DCDC2C: variants seen among roughly 807,000 people sequenced by gnomAD.
The protein encoded by DCDC2C is doublecortin domain-containing protein 2C.
In DCDC2C, 44 loss-of-function variants were observed where a neutral mutation model predicts 45.0. The observed-to-expected ratio is 0.98, with a 90% CI of 0.77 to 1.26. The LOEUF is 1.26. Ranked by LOEUF, DCDC2C falls within the 50% of genes most tolerant of loss-of-function variation. DCDC2C has a pLI of 0.00. For missense variants in DCDC2C, 447 were observed against 468.9 expected, an observed-to-expected ratio of 0.95 and a Z score of 0.43; for synonymous variants, 187 against 178.8, an observed-to-expected ratio of 1.05 and a Z score of -0.37.
At chr2:3,738,583 A>G (rs760655145) in intron 3 of DCDC2C, among the ~76,000 whole-genome samples, 1 of 132,602 alleles carries the variant, frequency 7.5e-6, no homozygotes, top group East Asian at 2.4e-4. Context: ...CTCCCAGCTT[A>G]TATCACTAGT....
intron 10 of DCDC2C, among the ~76,000 whole-genome samples, chr2:3,833,339 G>A (rs1671998138): frequency 6.6e-6 from 1 of 152,104 alleles, no homozygotes; most frequent in Non-Finnish European, 1.5e-5. Context: ...ATCATCTTTG[G>A]GGGCCGTTAT....
At chr2:3,826,012 C>G (rs144428400) in intron 10 of DCDC2C, among the ~76,000 whole-genome samples, 13 of 152,150 alleles carry the variant, frequency 8.5e-5, no homozygotes, top group Non-Finnish European at 1.6e-4. Flanking sequence ...AAACAATTCA[C>G]GAGGGTCTTT....
At chr2:3,727,651 G>A (rs1433392356) in intron 3 of DCDC2C, among the ~76,000 whole-genome samples, 1 of 152,250 alleles carries the variant, frequency 6.6e-6, no homozygotes, top group East Asian at 1.9e-4. Flanking sequence ...GGGAGGCACT[G>A]GGGATAGTTG....
At chr2:3,724,358 G>A (rs1668579252) in intron 2 of DCDC2C, among the ~76,000 whole-genome samples, 2 of 152,148 alleles carry the variant, frequency 1.3e-5, no homozygotes, top group Non-Finnish European at 2.9e-5. Flanking sequence ...TGCCAGAGTG[G>A]CCTCTCTGCA....
intron 10 of DCDC2C, among the ~76,000 whole-genome samples, chr2:3,831,699 T>A (rs1330870105): frequency 6.6e-6 from 1 of 152,212 alleles, no homozygotes; most frequent in African/African-American, 2.4e-5. Flanking sequence ...CCTAATTGAA[T>A]TCAGCCATGT....
At position 3,824,421 on chromosome 2, in the gene DCDC2C, C is replaced by T. The variant is rs73910386; in HGVS notation, c.1066-22733C>T. 3.5e-3 allele frequency among the ~76,000 whole-genome samples: 527 copies of T among 152,290 alleles called. 9 individuals carry two copies. Among genetic ancestry groups the T allele is most frequent in the African/African-American group, 0.012 (505 of 41,554 alleles). ...TTGACTGTGTCCCAATAAACCATTA[C>T]GTATGAAAACAGATGGTGGGCTGGA... On this transcript the variant is annotated intron_variant, in intron 10 of 10. Coordinates refer to ENST00000399143, the MANE Select transcript of DCDC2C (RefSeq NM_001287444.2).
chr2:3,719,009 C>T (rs1668421866), intron 2 of DCDC2C, among the ~76,000 whole-genome samples: 2 of 152,192 alleles, frequency 1.3e-5, no homozygotes, highest in South Asian at 2.1e-4. Context: ...CAAGTCCCCA[C>T]TCGACCCAGG....
At chr2:3,713,538 G>A (rs1453599879) in intron 2 of DCDC2C, among the ~76,000 whole-genome samples, 1 of 152,190 alleles carries the variant, frequency 6.6e-6, no homozygotes, top group African/African-American at 2.4e-5. Context: ...AAAGCTCCTG[G>A]AGACCTTGTT....
At chr2:3,815,443 T>C (rs569383361) in intron 10 of DCDC2C, among the ~76,000 whole-genome samples, 15 of 152,242 alleles carry the variant, frequency 9.9e-5, no homozygotes, top group Non-Finnish European at 1.2e-4. Context: ...TTTTCTTCAA[T>C]GGGAGCCTCC....
intron 10 of DCDC2C, among the ~76,000 whole-genome samples, chr2:3,793,550 A>G (rs1670879660): frequency 6.6e-6 from 1 of 152,212 alleles, no homozygotes; most frequent in Admixed American, 6.5e-5. Flanking sequence ...CAGAAACACC[A>G]CTGGAAATTA....
intron 10 of DCDC2C, among the ~76,000 whole-genome samples, chr2:3,813,683 C>T: frequency 7.2e-6 from 1 of 138,946 alleles, no homozygotes. Flanking sequence ...CTTTTGTGAC[C>T]TTTGCTGGTT....
chr2:3,766,497 C>A (rs1482634616), intron 6 of DCDC2C, among the ~76,000 whole-genome samples: 1 of 152,180 alleles, frequency 6.6e-6, no homozygotes, highest in African/African-American at 2.4e-5. Context: ...GCTAAGATCT[C>A]ATTTCTTCTC....
At chr2:3,714,222 G>T (rs1269913090) in intron 2 of DCDC2C, among the ~76,000 whole-genome samples, 3 of 152,122 alleles carry the variant, frequency 2.0e-5, no homozygotes, top group Non-Finnish European at 2.9e-5. Flanking sequence ...TATTGTAATA[G>T]AAATGATTTT....
chr2:3,708,623 TAA>T (rs1558556843), intron 2 of DCDC2C, 23 bp downstream of exon 2: 21 of 1,528,626 alleles, frequency 1.4e-5, no homozygotes, highest in Non-Finnish European at 1.9e-5. Context: ...TTCTAACAAC[TAA>T]TAATGGAATA....
At chr2:3,787,618 C>A (rs1157111875) in intron 10 of DCDC2C, among the ~76,000 whole-genome samples, 1 of 152,224 alleles carries the variant, frequency 6.6e-6, no homozygotes, top group Non-Finnish European at 1.5e-5. Flanking sequence ...ATACCTCACA[C>A]TAGTTTTAAA....
At position 3,761,486 on chromosome 2, in the gene DCDC2C, A is replaced by G. The variant is rs911472071; in HGVS notation, c.727-6268A>G. On this transcript the variant is annotated intron_variant, in intron 6 of 10. Coordinates refer to ENST00000399143, the MANE Select transcript of DCDC2C (RefSeq NM_001287444.2). The surrounding 1 kb of genome is among the most constrained non-coding windows in gnomAD (Gnocchi z 4.3). ...TCTGAACAGTAAATTTCACTGTGAA[A>G]TGAGTGCTTTGGAATTGACATTTGC... 6.6e-6 allele frequency among the ~76,000 whole-genome samples: 1 copy of G among 152,214 alleles called. No individual in the cohort carries two copies. Among genetic ancestry groups the G allele is most frequent in the Non-Finnish European group, 1.5e-5 (1 of 68,046 alleles).
intron 9 of DCDC2C, among the ~76,000 whole-genome samples, chr2:3,782,784 CAGTTCTT>C (rs1197353259): frequency 1.3e-5 from 2 of 152,188 alleles, no homozygotes; most frequent in Non-Finnish European, 2.9e-5. Flanking sequence ...TGGCCTTCTC[CAGTTCTT>C]AGTGCTTGAT....
At chr2:3,726,358 C>T (rs1384209583) in intron 2 of DCDC2C, among the ~76,000 whole-genome samples, 1 of 152,062 alleles carries the variant, frequency 6.6e-6, no homozygotes, top group Non-Finnish European at 1.5e-5. Flanking sequence ...TCTGCACATT[C>T]TTAAACAGTA....
chr2:3,749,965 A>C (rs1189040178), intron 4 of DCDC2C, among the ~76,000 whole-genome samples: 2 of 152,128 alleles, frequency 1.3e-5, no homozygotes, highest in African/African-American at 4.8e-5. Flanking sequence ...CATTTTTTAC[A>C]GTTACCCAGC....
Sources: allele counts gnomAD v4.1 joint callset (sites outside exome capture counted in the v4.1 genomes callset), GRCh38; gene constraint gnomAD v4.1.1; non-coding constraint Gnocchi (gnomAD v3.1); transcripts MANE v1.5; gene names NCBI Gene and HGNC (gene_info 2026-07-23, HGNC 2026-07-21).